KPNA1: variants seen among roughly 807,000 people sequenced by gnomAD.
KPNA1 encodes importin subunit alpha-5.
KPNA1 carries 10 observed loss-of-function variants against 70.5 expected under a neutral mutation model. That is an observed-to-expected ratio of 0.14 (90% CI 0.09 to 0.24). The LOEUF (loss-of-function observed/expected upper bound fraction) is 0.24. Ranked by LOEUF, KPNA1 falls within the 10% of genes least tolerant of loss-of-function variation. The probability of loss-of-function intolerance (pLI) is 1.00; values close to 1 mark genes in which losing one functional copy is unlikely to be tolerated. For synonymous variants in KPNA1, 192 were observed against 221.9 expected (o/e 0.87, Z 1.20); for missense variants, 397 against 637.9 (o/e 0.62, Z 4.07).
intron 2 of KPNA1, among the ~76,000 whole-genome samples, chr3:122,470,727 C>T (rs1294805200): frequency 2.6e-5 from 4 of 151,038 alleles, no homozygotes. Context: ...AGGACAACCA[C>T]TAAGCAAAGT....
At chr3:122,479,974 C>A (rs1409938411) in intron 2 of KPNA1, among the ~76,000 whole-genome samples, 4 of 151,942 alleles carry the variant, frequency 2.6e-5, no homozygotes, top group Non-Finnish European at 5.9e-5. Flanking sequence ...GAATATTATT[C>A]AGCATTAAAA....
chr3:122,442,727 G>T (rs1039012336), intron 9 of KPNA1: 1 of 151,906 alleles, frequency 6.6e-6, no homozygotes, highest in Non-Finnish European at 1.5e-5. Context: ...TTTCCTTAAG[G>T]GTCCTATTTT....
chr3:122,475,143 A>G (rs1011683942), intron 2 of KPNA1, among the ~76,000 whole-genome samples: 1 of 152,238 alleles, frequency 6.6e-6, no homozygotes, highest in African/African-American at 2.4e-5. Flanking sequence ...GAAATAATAC[A>G]TGGATTCAGG....
intron 2 of KPNA1, 87 bp downstream of exon 2, chr3:122,496,350 C>CACACA: frequency 3.5e-6 from 2 of 569,574 alleles, no homozygotes; most frequent in Non-Finnish European, 5.4e-6. Flanking sequence ...ACACACACAC[C>CACACA]CCAACTTTGC....
At chr3:122,439,370 T>C (rs1443884642) in intron 10 of KPNA1, among the ~76,000 whole-genome samples, 1 of 151,988 alleles carries the variant, frequency 6.6e-6, no homozygotes, top group Non-Finnish European at 1.5e-5. Flanking sequence ...AAAAAATGTT[T>C]TTAGAGATGG....
intron 9 of KPNA1, among the ~76,000 whole-genome samples, chr3:122,448,097 CAAG>C (rs746279694): frequency 2.6e-4 from 40 of 152,214 alleles, no homozygotes; most frequent in South Asian, 1.2e-3. Context: ...AGTCAGGAAA[CAAG>C]AGATGCTGGA....
chr3:122,435,934 A>G (rs1226374792), intron 11 of KPNA1, among the ~76,000 whole-genome samples: 2 of 152,262 alleles, frequency 1.3e-5, no homozygotes, highest in Admixed American at 6.5e-5. Flanking sequence ...AGCGATGTTC[A>G]GGGAACAAGG....
intron 9 of KPNA1, among the ~76,000 whole-genome samples, chr3:122,446,056 C>G (rs1322958996): frequency 2.6e-5 from 4 of 152,182 alleles, no homozygotes; most frequent in Non-Finnish European, 5.9e-5. Flanking sequence ...GACTTACACT[C>G]CCACGCAATA....
intron 2 of KPNA1, among the ~76,000 whole-genome samples, chr3:122,492,994 ATAACATATCAGAAAATAATAACC>A (rs2076716734): frequency 6.6e-6 from 1 of 152,088 alleles, no homozygotes. Context: ...TTGTGTAACT[ATAACATATCAGAAAATAATAACC>A]TACCTCAGAG....
At chr3:122,460,387 C>A in intron 5 of KPNA1, 1 of 927,406 alleles carries the variant, frequency 1.1e-6, no homozygotes, top group Non-Finnish European at 1.3e-6. Flanking sequence ...CCTGTAATCC[C>A]AGCACTTTGG....
chr3:122,439,932 A>G (rs1400262852), intron 10 of KPNA1, among the ~76,000 whole-genome samples: 1 of 152,182 alleles, frequency 6.6e-6, no homozygotes, highest in Non-Finnish European at 1.5e-5. Flanking sequence ...AAAAATAAAA[A>G]CTTGGAACTT....
At position 122,496,429 on chromosome 3, in the gene KPNA1, G is replaced by A. The variant is rs373364780; in HGVS notation, c.129+8C>T. 9 of 1,609,786 alleles carry A rather than the reference G, an allele frequency of 5.6e-6. No individual in the cohort carries two copies. Among genetic ancestry groups the A allele is most frequent in the Non-Finnish European group, 6.8e-6 (8 of 1,176,984 alleles). Reference sequence around the variant, plus strand: ...TTTAAAAGAAATGAATAAAGGTAAAGGATTTACCTGCTCTTCTCTTTTCTG... The same window carrying A: ...TTTAAAAGAAATGAATAAAGGTAAAAGATTTACCTGCTCTTCTCTTTTCTG... On this transcript the variant is annotated splice_region_variant and intron_variant, in intron 2 of 13. Transcript: ENST00000344337.
At chr3:122,451,236 A>T (rs1212290530) in intron 8 of KPNA1, among the ~76,000 whole-genome samples, 1 of 152,210 alleles carries the variant, frequency 6.6e-6, no homozygotes, top group South Asian at 2.1e-4. Flanking sequence ...ATAGTCTCCT[A>T]AACAGTATAC....
intron 8 of KPNA1, 43 bp downstream of exon 8, chr3:122,451,491 A>C (rs763802268): frequency 1.8e-6 from 2 of 1,095,334 alleles, no homozygotes; most frequent in Non-Finnish European, 2.7e-6. Context: ...ATACTCTTTT[A>C]ATTGTATTTT....
Position 122,426,819 on chromosome 3 carries a change from T to G in KPNA1, c.*166A>C. The G allele has an allele frequency of 1.4e-5, 7 of 490,882 alleles. No individual in the cohort carries two copies. The highest frequency in any genetic ancestry group is 1.8e-5 in the Non-Finnish European group (5 of 280,206). The allele number at this position is 490,882 out of a possible 1,614,324, so 30.4% of individuals were successfully genotyped here. On this transcript the variant is annotated 3_prime_UTR_variant, in exon 14 of 14. Transcript: ENST00000344337. ...GTATTCCACCACAGAGAGCCGGAGG[T>G]TTTCCAGATGTGTGTAAGAGAGCAG...
intron 1 of KPNA1, among the ~76,000 whole-genome samples, chr3:122,500,111 TTTTTTGTTG>T (rs1188024545): frequency 2.0e-5 from 3 of 151,882 alleles, no homozygotes; most frequent in Non-Finnish European, 4.4e-5. Flanking sequence ...ATACAACTGT[TTTTTTGTTG>T]TTGTTGTTGT....
chr3:122,439,633 G>T (rs2076037647), intron 10 of KPNA1, among the ~76,000 whole-genome samples: 1 of 152,174 alleles, frequency 6.6e-6, no homozygotes, highest in Non-Finnish European at 1.5e-5. Flanking sequence ...ATTATTTCTA[G>T]AGGAAGATAA....
At chr3:122,474,401 G>A (rs755374993) in intron 2 of KPNA1, among the ~76,000 whole-genome samples, 1 of 152,074 alleles carries the variant, frequency 6.6e-6, no homozygotes, top group Non-Finnish European at 1.5e-5. Context: ...GAAGGAAAAG[G>A]ACAAAGTTAG....
intron 11 of KPNA1, among the ~76,000 whole-genome samples, chr3:122,435,645 A>T (rs959529066): frequency 6.6e-6 from 1 of 152,222 alleles, no homozygotes; most frequent in African/African-American, 2.4e-5. Context: ...TTTCATGGAC[A>T]TTTATTAGTT....
Sources: allele counts gnomAD v4.1 joint callset (sites outside exome capture counted in the v4.1 genomes callset), GRCh38; gene constraint gnomAD v4.1.1; transcripts MANE v1.5; gene names NCBI Gene and HGNC (gene_info 2026-07-23, HGNC 2026-07-21).